Variants in AKAP7 observed in about 807,000 individuals in gnomAD.
AKAP7 encodes A-kinase anchoring protein 7.
Under a neutral mutation model 39.5 loss-of-function variants are expected in AKAP7, and 39 were observed. The observed-to-expected ratio is 0.99, with a 90% confidence interval of 0.76 to 1.29. The LOEUF (loss-of-function observed/expected upper bound fraction) is 1.29, where lower values mean the gene tolerates loss of function less well. Ranked by LOEUF, AKAP7 falls within the 50% of genes most tolerant of loss-of-function variation. The pLI, the probability that AKAP7 is intolerant of heterozygous loss-of-function variation, is 0.00. For missense variants in AKAP7, 414 were observed against 407.7 expected, an observed-to-expected ratio of 1.02 and a Z score of -0.13; for synonymous variants, 140 against 139.1, an observed-to-expected ratio of 1.01 and a Z score of -0.05.
chr6:131,199,643 G>A (rs1296197802), intron 6 of AKAP7, 70 bp downstream of exon 6: 3 of 1,226,176 alleles, frequency 2.4e-6, no homozygotes, highest in Non-Finnish European at 2.4e-6. Context: ...TCTGGAGCAC[G>A]AGTGACATTG....
At chr6:131,144,967 G>A (rs1010711561) in intron 1 of AKAP7, among the ~76,000 whole-genome samples, 34 of 152,256 alleles carry the variant, frequency 2.2e-4, no homozygotes, top group Non-Finnish European at 4.6e-4. Flanking sequence ...TAAAAGGTAC[G>A]TGAAAAAACG....
intron 5 of AKAP7, among the ~76,000 whole-genome samples, chr6:131,199,189 A>G (rs909838852): frequency 6.6e-6 from 1 of 152,204 alleles, no homozygotes; most frequent in Admixed American, 6.5e-5. Flanking sequence ...CCCAGCAGTT[A>G]TTCTGTTTAT....
chr6:131,127,045 G>GTT, the AKAP7 span, among the ~76,000 whole-genome samples: 7 of 149,276 alleles, frequency 4.7e-5, no homozygotes, highest in Middle Eastern at 3.4e-3. Flanking sequence ...ATTTTGCTTT[G>GTT]TTTTTTTTTT....
At chr6:131,268,130 G>T (rs1813964157) in intron 7 of AKAP7, among the ~76,000 whole-genome samples, 1 of 152,144 alleles carries the variant, frequency 6.6e-6, no homozygotes, top group Non-Finnish European at 1.5e-5. Flanking sequence ...TTCAAGCTGA[G>T]AATTTTCTGT....
At chr6:131,244,792 A>G (rs1811867850) in intron 7 of AKAP7, among the ~76,000 whole-genome samples, 1 of 152,188 alleles carries the variant, frequency 6.6e-6, no homozygotes, top group South Asian at 2.1e-4. Flanking sequence ...AAATGCACAT[A>G]TGCTGTATAT....
At chr6:131,181,312 G>A (rs1254228851) in intron 5 of AKAP7, among the ~76,000 whole-genome samples, 4 of 152,152 alleles carry the variant, frequency 2.6e-5, no homozygotes, top group African/African-American at 9.7e-5. Context: ...AAATGTAGGT[G>A]TCATCCTAAA....
chr6:131,225,662 GTTT>G (rs934180013), intron 7 of AKAP7, among the ~76,000 whole-genome samples: 1 of 151,536 alleles, frequency 6.6e-6, no homozygotes, highest in Non-Finnish European at 1.5e-5. Context: ...TTTTCTTCTA[GTTT>G]TTTTTGTTTT....
chr6:131,207,491 A>ATTTTTTTTTTT (rs531582478), intron 6 of AKAP7, among the ~76,000 whole-genome samples: 817 of 78,770 alleles, frequency 0.01, 78 homozygotes, highest in East Asian at 0.039. Flanking sequence ...GCTAATTAAA[A>ATTTTTTTTTTT]TTTTTTTTTT....
intron 7 of AKAP7, among the ~76,000 whole-genome samples, chr6:131,246,265 T>A (rs1353908132): frequency 2.6e-5 from 4 of 152,158 alleles, no homozygotes; most frequent in Non-Finnish European, 5.9e-5. Flanking sequence ...CACCTCATAC[T>A]TTTTAGTTTT....
At chr6:131,265,407 T>C (rs1001863767) in intron 7 of AKAP7, among the ~76,000 whole-genome samples, 1 of 152,226 alleles carries the variant, frequency 6.6e-6, no homozygotes, top group Non-Finnish European at 1.5e-5. Context: ...AGTTCTGGGA[T>C]TGCAGGCAGC....
intron 6 of AKAP7, among the ~76,000 whole-genome samples, chr6:131,203,755 A>G (rs1807836584): frequency 6.6e-6 from 1 of 152,244 alleles, no homozygotes; most frequent in Non-Finnish European, 1.5e-5. Context: ...TAAAACAGAA[A>G]TAAAACTCTC....
At chr6:131,162,269 A>G (rs925246687) in intron 3 of AKAP7, among the ~76,000 whole-genome samples, 2 of 152,230 alleles carry the variant, frequency 1.3e-5, no homozygotes, top group Non-Finnish European at 2.9e-5. Context: ...ACAAAGGTGA[A>G]GGGAGAAAGG....
intron 7 of AKAP7, among the ~76,000 whole-genome samples, chr6:131,254,561 C>T (rs1016694385): frequency 3.3e-5 from 5 of 152,176 alleles, no homozygotes; most frequent in African/African-American, 1.2e-4. Context: ...TTGAAGTACA[C>T]TGCTTTTATG....
intron 5 of AKAP7, among the ~76,000 whole-genome samples, chr6:131,174,808 A>G (rs1337262287): frequency 6.6e-6 from 1 of 152,232 alleles, no homozygotes; most frequent in Middle Eastern, 3.2e-3. Context: ...TGTTCATTCA[A>G]AATAATGGAG....
intron 7 of AKAP7, among the ~76,000 whole-genome samples, chr6:131,266,190 G>A (rs1224855317): frequency 2.6e-5 from 4 of 152,080 alleles, no homozygotes; most frequent in Admixed American, 1.3e-4. Flanking sequence ...TCTAATCATC[G>A]CCTCGGTTCC....
In AKAP7 at chr6:131,165,206, T is replaced by TG; in HGVS notation, c.418dup (p.Glu140GlyfsTer7). On this transcript the variant is annotated frameshift_variant, in exon 4 of 8. Coordinates refer to ENST00000431975, the MANE Select transcript of AKAP7 (RefSeq NM_016377.4). LOFTEE classifies it high-confidence loss of function. ...TGGTGATGCAATTATTAAATGAAGATGAAGTAAACATGTGAGTAATGTATC... is the reference window on the plus strand; with the variant it reads ...TGGTGATGCAATTATTAAATGAAGATGGAAGTAAACATGTGAGTAATGTATC... The TG allele has an allele frequency of 6.2e-7, 1 of 1,605,948 alleles. No homozygotes were observed. The highest frequency in any genetic ancestry group is 8.5e-7 in the Non-Finnish European group (1 of 1,175,886).
At chr6:131,126,200 A>G in the AKAP7 span, among the ~76,000 whole-genome samples, 1 of 152,178 alleles carries the variant, frequency 6.6e-6, no homozygotes, top group Admixed American at 6.5e-5. Context: ...GGTTGCTCAG[A>G]TTATTTACAT....
chr6:131,135,414 T>C (rs1302043878), upstream of AKAP7, among the ~76,000 whole-genome samples: 2 of 151,500 alleles, frequency 1.3e-5, no homozygotes, highest in Non-Finnish European at 3.0e-5. Flanking sequence ...CCCGAGCGCG[T>C]CCGCGCCTCT....
At chr6:131,192,732 A>AT (rs991972858) in intron 5 of AKAP7, among the ~76,000 whole-genome samples, 2 of 151,774 alleles carry the variant, frequency 1.3e-5, no homozygotes, top group East Asian at 1.9e-4. Context: ...ATATCTTTAC[A>AT]TTTTTTTTGG....
Sources: gnomAD v4.1 joint callset for allele counts (sites outside exome capture counted in the v4.1 genomes callset) on GRCh38, gnomAD v4.1.1 for gene constraint, MANE v1.5 for transcripts, NCBI Gene and HGNC (gene_info 2026-07-23, HGNC 2026-07-21) for gene names.